The following XKR3 variants were observed in gnomAD, a reference collection of about 807,000 sequenced individuals.
The protein encoded by XKR3 is XK-related protein 3.
A neutral mutation model predicts 40.3 loss-of-function variants in XKR3; 27 were observed. The observed-to-expected ratio is 0.67, with a 90% CI of 0.49 to 0.92. The LOEUF (loss-of-function observed/expected upper bound fraction) is 0.92, where lower values mean the gene tolerates loss of function less well. XKR3 is among the 40% of genes least tolerant of loss of function. XKR3 has a pLI of 0.00. For missense variants in XKR3, 472 were observed against 537.6 expected, an observed-to-expected ratio of 0.88 and a Z score of 1.21; for synonymous variants, 193 against 195.4, an observed-to-expected ratio of 0.99 and a Z score of 0.10.
intron 3 of XKR3, 56 bp from the exon 4 acceptor site, chr22:16,784,465 T>A: frequency 1.4e-6 from 2 of 1,462,210 alleles, no homozygotes; most frequent in Non-Finnish European, 1.8e-6. Flanking sequence ...TAATGACCAC[T>A]TTCTTTTTTA....
At chr22:16,813,927 T>C (rs1569043240) in intron 1 of XKR3, among the ~76,000 whole-genome samples, 1 of 152,248 alleles carries the variant, frequency 6.6e-6, no homozygotes, top group Admixed American at 6.5e-5. Context: ...TTTTCATTTT[T>C]CTGATAGCTA....
At chr22:16,787,642 C>T (rs2060096338) in intron 3 of XKR3, among the ~76,000 whole-genome samples, 1 of 149,776 alleles carries the variant, frequency 6.7e-6, no homozygotes, top group Non-Finnish European at 1.5e-5. Flanking sequence ...AAAAATTTTC[C>T]AAATCTAAAT....
intron 3 of XKR3, among the ~76,000 whole-genome samples, chr22:16,795,919 A>T (rs2060138566): frequency 6.6e-6 from 1 of 152,138 alleles, no homozygotes; most frequent in African/African-American, 2.4e-5. Flanking sequence ...GTGATGCAAG[A>T]TCATGTCACT....
chr22:16,783,931 C>G lies in XKR3; in HGVS notation c.1068G>C (p.Val356=). Reference sequence around the variant, plus strand: ...AGAACCTAAATACCAATATCATTATCACATTTTCTAAAAACTGAAAGCTGT... The same window carrying G: ...AGAACCTAAATACCAATATCATTATGACATTTTCTAAAAACTGAAAGCTGT... The part of the protein sequence containing the change: ...LHYSFQFLEN[V]IMILVFRFFG... Residue 356 remains valine, a synonymous_variant, in exon 4 of 4, where the codon GTG becomes GTC. Coordinates refer to ENST00000684488, the MANE Select transcript of XKR3 (RefSeq NM_001386955.1). 6.2e-7 allele frequency: 1 copy of G among 1,614,212 alleles called. No homozygotes were observed. The highest frequency in any genetic ancestry group is 1.1e-5 in the South Asian group (1 of 91,084).
intron 1 of XKR3, among the ~76,000 whole-genome samples, chr22:16,815,820 T>G (rs1006391426): frequency 1.3e-5 from 2 of 152,016 alleles, no homozygotes; most frequent in African/African-American, 4.8e-5. Flanking sequence ...CCATCAAATT[T>G]AATTCTGGCG....
chr22:16,792,463 T>C (rs767801619), intron 3 of XKR3, among the ~76,000 whole-genome samples: 10 of 152,206 alleles, frequency 6.6e-5, no homozygotes, highest in Non-Finnish European at 1.0e-4. Flanking sequence ...TTTCCAACTA[T>C]AGATCCTATC....
At position 16,783,497 on chromosome 22, in the gene XKR3, A is replaced by G. The variant is rs74411986; in HGVS notation, c.*122T>C. 2.2e-5 allele frequency: 17 copies of G among 775,820 alleles called. No individual in the cohort carries two copies. In the East Asian group the frequency reaches 4.6e-4, roughly 21 times the overall value. The allele number at this position is 775,820 out of a possible 1,614,324, so 48.1% of individuals were successfully genotyped here. On this transcript the variant is annotated 3_prime_UTR_variant, in exon 4 of 4. Transcript: ENST00000684488. ...AAGGCACGTTCACAGGAGAACATAAATGAATTTTATTAGAAACCACTTCCA... is the reference window on the plus strand; with the variant it reads ...AAGGCACGTTCACAGGAGAACATAAGTGAATTTTATTAGAAACCACTTCCA...
In XKR3 at chr22:16,799,976, T is replaced by C. The variant is rs1004597366; in HGVS notation, c.384A>G (p.Lys128=). ...RNYHKWLKNL[K]QEKEETQVSI... is the part of the protein sequence containing the mutation. ...TAACTTGAGTCTCTTCCTTCTCCTG[T>C]TTAAGATTTTTCAACCATTTGTGGT... The change falls in exon 3 of 4, where the codon AAA becomes AAG. Residue 128 remains lysine (K), a synonymous_variant. Coordinates refer to ENST00000684488, the MANE Select transcript of XKR3 (RefSeq NM_001386955.1). The C allele has an allele frequency of 1.9e-6, 3 of 1,614,012 alleles. No individual in the cohort carries two copies. Among genetic ancestry groups the C allele is most frequent in the African/African-American group, 1.3e-5 (1 of 74,946 alleles).
At chr22:16,810,003 C>T (rs1601848518) in intron 1 of XKR3, among the ~76,000 whole-genome samples, 1 of 152,222 alleles carries the variant, frequency 6.6e-6, no homozygotes, top group African/African-American at 2.4e-5. Context: ...CTGCCCGCCT[C>T]AGGCTCCCAA....
chr22:16,802,077 C>G (rs1194838524), intron 2 of XKR3, among the ~76,000 whole-genome samples: 1 of 152,156 alleles, frequency 6.6e-6, no homozygotes, highest in Non-Finnish European at 1.5e-5. Context: ...TTGTACCTCT[C>G]TCTCACCACA....
intron 3 of XKR3, among the ~76,000 whole-genome samples, chr22:16,788,424 A>G (rs940919389): frequency 3.7e-4 from 56 of 152,264 alleles, no homozygotes; most frequent in African/African-American, 1.3e-3. Context: ...ATAATCAGAG[A>G]CAAAAAAGGA....
rs2146135888 is a variant in XKR3, at chr22:16,784,330, A to G, written c.669T>C (p.Asn223=). 1 of 1,614,178 alleles carries G rather than the reference A, an allele frequency of 6.2e-7. No individual in the cohort carries two copies. The highest frequency in any genetic ancestry group is 1.1e-5 in the South Asian group (1 of 91,074). ...GCGGTAGCTTAATGGTAGTATCATC[A>G]TTGCTGATCTGGATGGCCAGTATAT... ...RCNILAIQIS[N]DDTTIKLPPI... The change falls in exon 4 of 4, where the codon AAT becomes AAC. Residue 223 remains asparagine (N), a synonymous_variant. Transcript: ENST00000684488.
At chr22:16,793,653 T>C (rs1229939210) in intron 3 of XKR3, among the ~76,000 whole-genome samples, 4 of 152,108 alleles carry the variant, frequency 2.6e-5, no homozygotes, top group African/African-American at 9.7e-5. Context: ...GACCATCAAA[T>C]AGGCTGTCAA....
chr22:16,796,328 C>A (rs1329893396), intron 3 of XKR3, among the ~76,000 whole-genome samples: 1 of 152,168 alleles, frequency 6.6e-6, no homozygotes, highest in Non-Finnish European at 1.5e-5. Flanking sequence ...GGTGGAGGGG[C>A]CTTTTTCCCA....
In XKR3 at chr22:16,787,516, G is replaced by A. The variant is rs9618882; in HGVS notation, c.590-3107C>T. ...GGAGGTTGCATTGAGCCAAGATCAC[G>A]CCATTGCACTCCAGCCTAGGCAACA... On this transcript the variant is annotated intron_variant, in intron 3 of 3. Transcript: ENST00000684488. 9.7e-3 allele frequency among the ~76,000 whole-genome samples: 1,455 copies of A among 150,348 alleles called. 22 individuals carry two copies. Among genetic ancestry groups the A allele is most frequent in the African/African-American group, 0.033 (1,331 of 40,804 alleles).
At chr22:16,818,567 C>A (rs1440319878) in intron 1 of XKR3, among the ~76,000 whole-genome samples, 1 of 152,136 alleles carries the variant, frequency 6.6e-6, no homozygotes, top group Non-Finnish European at 1.5e-5. Flanking sequence ...TGGAGAATAA[C>A]CAAACTACTC....
chr22:16,814,433 A>G (rs910298941), intron 1 of XKR3, among the ~76,000 whole-genome samples: 1 of 152,130 alleles, frequency 6.6e-6, no homozygotes, highest in African/African-American at 2.4e-5. Context: ...TTTTGAATGG[A>G]AAGTGTATTG....
intron 2 of XKR3, among the ~76,000 whole-genome samples, chr22:16,805,600 T>C (rs186238271): frequency 8.0e-4 from 122 of 152,244 alleles, no homozygotes; most frequent in Non-Finnish European, 1.4e-3. Context: ...AACTGATCAG[T>C]TGGGAAATGC....
At position 16,818,593 on chromosome 22, in the gene XKR3, GA is replaced by G. The variant is rs538626896; in HGVS notation, c.-11+6697del. 1.7e-4 allele frequency among the ~76,000 whole-genome samples: 26 copies of G among 151,832 alleles called. No individual in the cohort carries two copies. In the South Asian group the frequency reaches 4.0e-3, roughly 23 times the overall value. ...CAAACTACTCCAGACGAACACCACA[GA>G]AAAAAAACTACTACTTCAGTTTCTC... On this transcript the variant is annotated intron_variant, in intron 1 of 3. Transcript: ENST00000684488.
Sources: allele counts gnomAD v4.1 joint callset (sites outside exome capture counted in the v4.1 genomes callset), GRCh38; gene constraint gnomAD v4.1.1; transcripts MANE v1.5; gene names NCBI Gene and HGNC (gene_info 2026-07-23, HGNC 2026-07-21).